The following CFAP299 variants were observed in gnomAD, a reference collection of about 807,000 sequenced individuals.
The protein encoded by CFAP299 is cilia and flagella associated protein 299.
A neutral mutation model predicts 27.0 loss-of-function variants in CFAP299; 21 were observed. That is an observed-to-expected ratio of 0.78 (90% CI 0.55 to 1.12). The LOEUF (loss-of-function observed/expected upper bound fraction) is 1.12, where lower values mean the gene tolerates loss of function less well. Ranked by LOEUF, CFAP299 falls within the 50% of genes most tolerant of loss-of-function variation. The pLI is 0.00. For missense variants in CFAP299, 310 were observed against 276.6 expected (o/e 1.12, Z -0.86); for synonymous variants, 104 against 98.1 (o/e 1.06, Z -0.36).
chr4:80,953,319 C>A (rs1459222046), intron 5 of CFAP299, among the ~76,000 whole-genome samples: 1 of 152,080 alleles, frequency 6.6e-6, no homozygotes, highest in Admixed American at 6.6e-5. Flanking sequence ...AAAGCTGAGG[C>A]CTTGCCAACT....
intron 4 of CFAP299, among the ~76,000 whole-genome samples, chr4:80,896,912 CTGATTAAGGTG>C (rs1376058519): frequency 6.6e-6 from 1 of 152,074 alleles, no homozygotes; most frequent in Non-Finnish European, 1.5e-5. Context: ...ATTAATGCAT[CTGATTAAGGTG>C]TGATTAATCA....
At chr4:80,388,597 C>G in intron 2 of CFAP299, 1 of 1,408,032 alleles carries the variant, frequency 7.1e-7, no homozygotes, top group Non-Finnish European at 1.0e-6. Flanking sequence ...TAGCAGGGGA[C>G]GCATTGACAC....
At chr4:80,327,690 T>TTATATATATATATATATATA in the CFAP299 span, among the ~76,000 whole-genome samples, 14 of 51,234 alleles carry the variant, frequency 2.7e-4, no homozygotes, top group South Asian at 1.9e-3. Context: ...TAGAGAGAAG[T>TTATATATATATATATATATA]TATATATATA....
In CFAP299 at chr4:80,583,167, G is replaced by T. The variant is rs150179610; in HGVS notation, c.317G>T (p.Arg106Leu). The change falls in exon 3 of 6, where the codon CGC (arginine) becomes CTC (leucine). Residue 106 changes from arginine (R) to leucine (L), a missense_variant. Arg to Leu is a moderately radical substitution (Grantham distance 102). Coordinates refer to ENST00000358105, the MANE Select transcript of CFAP299 (RefSeq NM_152770.3). ...CTGGCAATGAGAGAAGAAGACAATC[G>T]CAGTGGAAAACTGAGTGTAAGTACA... is the stretch of plus-strand genomic sequence containing the variant. Reference protein sequence around the residue: ...TALAMREEDNRSGKLSSVIFI... With the variant: ...TALAMREEDNLSGKLSSVIFI... The T allele has an allele frequency of 6.2e-6, 10 of 1,603,458 alleles. No homozygotes were observed. Among genetic ancestry groups the T allele is most frequent in the African/African-American group, 1.3e-5 (1 of 74,478 alleles).
intron 3 of CFAP299, among the ~76,000 whole-genome samples, chr4:80,781,870 A>G (rs1042018511): frequency 2.0e-4 from 30 of 152,044 alleles, no homozygotes; most frequent in African/African-American, 7.2e-4. Flanking sequence ...AAATATAATA[A>G]TGTGGTCCAG....
intron 2 of CFAP299, among the ~76,000 whole-genome samples, chr4:80,545,882 C>T (rs1336305891): frequency 6.6e-6 from 1 of 152,120 alleles, no homozygotes; most frequent in Admixed American, 6.5e-5. Context: ...AATCCAGCAG[C>T]ACATCATAAA....
intron 3 of CFAP299, among the ~76,000 whole-genome samples, chr4:80,737,361 G>T (rs1390395458): frequency 6.6e-6 from 1 of 151,928 alleles, no homozygotes; most frequent in African/African-American, 2.4e-5. Context: ...AAAAAGAATG[G>T]TATTATTTCT....
At chr4:80,385,462 A>G (rs1724922017) in intron 2 of CFAP299, among the ~76,000 whole-genome samples, 1 of 151,792 alleles carries the variant, frequency 6.6e-6, no homozygotes, top group South Asian at 2.1e-4. Flanking sequence ...TTTTTTAATG[A>G]CAACAACATT....
chr4:80,556,071 GT>G (rs1187570845), intron 2 of CFAP299, among the ~76,000 whole-genome samples: 1 of 151,988 alleles, frequency 6.6e-6, no homozygotes. Flanking sequence ...CATACAAATT[GT>G]TTTTGTCTTC....
intron 2 of CFAP299, among the ~76,000 whole-genome samples, chr4:80,376,847 G>A (rs551710580): frequency 5.3e-5 from 8 of 152,112 alleles, no homozygotes; most frequent in African/African-American, 1.7e-4. Flanking sequence ...TAGAGACAGC[G>A]TTTAACCACA....
intron 2 of CFAP299, among the ~76,000 whole-genome samples, chr4:80,480,090 T>A (rs908861617): frequency 6.6e-6 from 1 of 152,004 alleles, no homozygotes; most frequent in African/African-American, 2.4e-5. Context: ...GCATTTTTTT[T>A]TAAAAAAGTT....
intron 3 of CFAP299, among the ~76,000 whole-genome samples, chr4:80,709,733 G>A (rs1196502676): frequency 2.0e-5 from 3 of 152,122 alleles, no homozygotes; most frequent in Admixed American, 6.6e-5. Flanking sequence ...TTTTGATTTC[G>A]CTGATGTTGC....
chr4:80,455,975 G>A (rs1729133691), intron 2 of CFAP299, among the ~76,000 whole-genome samples: 1 of 152,146 alleles, frequency 6.6e-6, no homozygotes, highest in Admixed American at 6.5e-5. Flanking sequence ...TGCTATGATA[G>A]ATGGTCATAA....
At chr4:80,688,788 A>C (rs1720423715) in intron 3 of CFAP299, among the ~76,000 whole-genome samples, 1 of 152,032 alleles carries the variant, frequency 6.6e-6, no homozygotes, top group African/African-American at 2.4e-5. Context: ...GAAGTTGAAA[A>C]CTTTGAAAAA....
At chr4:80,892,416 T>C (rs1339630652) in intron 4 of CFAP299, among the ~76,000 whole-genome samples, 1 of 152,182 alleles carries the variant, frequency 6.6e-6, no homozygotes, top group Non-Finnish European at 1.5e-5. Flanking sequence ...TGAGAAAACA[T>C]TGGGGAATCT....
intron 4 of CFAP299, among the ~76,000 whole-genome samples, chr4:80,910,436 C>A (rs574263596): frequency 7.2e-5 from 11 of 152,166 alleles, no homozygotes; most frequent in African/African-American, 2.6e-4. Flanking sequence ...TGTCTATCAA[C>A]CACAGACTGA....
chr4:80,367,387 CAA>C (rs1325495477), intron 2 of CFAP299, among the ~76,000 whole-genome samples: 4 of 152,272 alleles, frequency 2.6e-5, no homozygotes, highest in South Asian at 4.2e-4. Context: ...GTTAATCAGG[CAA>C]AGAGTGGTGT....
intron 2 of CFAP299, among the ~76,000 whole-genome samples, chr4:80,426,176 T>G (rs1727521244): frequency 6.6e-6 from 1 of 152,044 alleles, no homozygotes; most frequent in African/African-American, 2.4e-5. Context: ...ATTTAACATG[T>G]TAACTATTTC....
Position 80,608,410 on chromosome 4 carries a change from C to A in CFAP299, c.333+25227C>A. On this transcript the variant is annotated intron_variant, in intron 3 of 5. Coordinates refer to ENST00000358105, the MANE Select transcript of CFAP299 (RefSeq NM_152770.3). ...TAAGTACTGCTTATGGAAAAGTTTCCTTTACAAGTTAGAAAAACATTTTGG... is the reference window on the plus strand; with the variant it reads ...TAAGTACTGCTTATGGAAAAGTTTCATTTACAAGTTAGAAAAACATTTTGG... 2.7e-6 allele frequency: 4 copies of A among 1,461,144 alleles called. No individual in the cohort carries two copies. The South Asian group carries it at 4.9e-5, about 18-fold the overall frequency. The allele number at this position is 1,461,144 out of a possible 1,614,324, so 90.5% of individuals were successfully genotyped here.
Sources: gnomAD v4.1 joint callset for allele counts (sites outside exome capture counted in the v4.1 genomes callset) on GRCh38, gnomAD v4.1.1 for gene constraint, MANE v1.5 for transcripts, NCBI Gene and HGNC (gene_info 2026-07-23, HGNC 2026-07-21) for gene names.